KCTD15: variants seen among roughly 807,000 people sequenced by gnomAD.
KCTD15 encodes potassium channel tetramerization domain containing 15.
KCTD15 carries 11 observed loss-of-function variants against 27.2 expected under a neutral mutation model. The ratio of observed to expected loss-of-function variants is 0.41; its 90% CI spans 0.25 to 0.67. KCTD15 has a LOEUF of 0.67. Ranked by LOEUF, KCTD15 falls within the 30% of genes least tolerant of loss-of-function variation. The pLI, the probability that KCTD15 is intolerant of heterozygous loss-of-function variation, is 0.35. For missense variants in KCTD15, 350 were observed against 409.3 expected, an observed-to-expected ratio of 0.86 and a Z score of 1.25; for synonymous variants, 163 against 176.0, an observed-to-expected ratio of 0.93 and a Z score of 0.58.
In KCTD15 at chr19:33,807,005, A is replaced by G; in HGVS notation, c.385A>G (p.Lys129Glu). 1.2e-6 allele frequency: 2 copies of G among 1,613,910 alleles called. No individual in the cohort carries two copies. Among genetic ancestry groups the G allele is most frequent in the Non-Finnish European group, 8.5e-7 (1 of 1,179,924 alleles). The part of the protein sequence containing the change: ...TSKLLLPDDF[K>E]DFSLLYEEAR... ...CAAGCTGCTGCTTCCGGATGACTTT[A>G]AGGTAAGTCCATGGCTGGTGGCCCC... Residue 129 changes from lysine to glutamate, a missense_variant and splice_region_variant, in exon 5 of 7, where the codon AAG becomes GAG. By Grantham distance (56) the Lys-to-Glu change is moderately conservative. This residue lies in a region of KCTD15 where 219 missense variants were observed against 234.9 expected (regional missense o/e 0.93). Coordinates refer to ENST00000683859, the MANE Select transcript of KCTD15 (RefSeq NM_001129994.2).
intron 2 of KCTD15, among the ~76,000 whole-genome samples, chr19:33,799,309 C>T (rs1975452679): frequency 2.0e-5 from 3 of 152,014 alleles, no homozygotes; most frequent in African/African-American, 7.3e-5. Context: ...AATTTTGATC[C>T]CAGAGTTTTA....
rs1355281941 is a variant in KCTD15, at chr19:33,801,339, C to T, written c.239C>T (p.Ser80Phe). ...SLATLTKYPD[S>F]RISRLFNGTE... ...GCCACGCTCACCAAGTACCCTGACT[C>T]CAGGTAAGAGTAAGCCCCTTGAAAC... The change falls in exon 4 of 7, where the codon TCC becomes TTC. Residue 80 changes from serine to phenylalanine, a missense_variant. Ser to Phe is a radical substitution (Grantham distance 155). Transcript: ENST00000683859. The T allele has an allele frequency of 1.2e-6, 2 of 1,608,848 alleles. No individual in the cohort carries two copies. The highest frequency in any genetic ancestry group is 1.7e-6 in the Non-Finnish European group (2 of 1,177,400).
At chr19:33,801,660 C>T in intron 4 of KCTD15, 2 of 256,960 alleles carry the variant, frequency 7.8e-6, no homozygotes, top group Non-Finnish European at 1.5e-5. Flanking sequence ...AGGGGAGTCT[C>T]ACGTACCTTC....
chr19:33,795,605 C>T (rs987904733), upstream of KCTD15, among the ~76,000 whole-genome samples: 17 of 152,112 alleles, frequency 1.1e-4, no homozygotes, highest in African/African-American at 4.1e-4. Context: ...CGGCCAGTCG[C>T]GCGCTCCGTT....
At chr19:33,795,735 GCCGAAGCGGAGACTGGGGAGGGGCGT>G (rs1975299913), upstream of KCTD15, among the ~76,000 whole-genome samples, 1 of 152,130 alleles carries the variant, frequency 6.6e-6, no homozygotes, top group Non-Finnish European at 1.5e-5. Context: ...GGAAGGGGCG[GCCGAAGCGGAGACTGGGGAGGGGCGT>G]CCGGGGCGCG....
rs181404546 is a variant in KCTD15 at position 33,799,397 on chromosome 19, C to A, written c.-28+631C>A. 5.1e-4 allele frequency among the ~76,000 whole-genome samples: 77 copies of A among 152,284 alleles called. 2 individuals are homozygous for A. The East Asian group carries it at 0.011, about 21-fold the overall frequency. On this transcript the variant is annotated intron_variant, in intron 2 of 6. Transcript: ENST00000683859. ...AAAGGTTAAACCTTCGAGAGACGTCCAGGGTAGGTTTGTGGAAGCCAGTGT... is the reference window on the plus strand; with the variant it reads ...AAAGGTTAAACCTTCGAGAGACGTCAAGGGTAGGTTTGTGGAAGCCAGTGT...
At chr19:33,809,633 A>C (rs564208185) in intron 5 of KCTD15, among the ~76,000 whole-genome samples, 1 of 152,282 alleles carries the variant, frequency 6.6e-6, no homozygotes, top group East Asian at 1.9e-4. Context: ...GTGCTTTGGG[A>C]GGCCAAGCAG....
chr19:33,810,881 G>A (rs368801482), intron 5 of KCTD15, among the ~76,000 whole-genome samples: 1 of 151,848 alleles, frequency 6.6e-6, no homozygotes, highest in Non-Finnish European at 1.5e-5. Context: ...CTCTTCTCTC[G>A]GTGGGATTCT....
chr19:33,814,280 G>A lies in KCTD15; in HGVS notation c.*1332G>A, dbSNP rs1243844573. The A allele has an allele frequency of 6.6e-6, 1 of 152,594 alleles. No individual in the cohort carries two copies. Among genetic ancestry groups the A allele is most frequent in the African/African-American group, 2.4e-5 (1 of 41,440 alleles). 9.5% of individuals were successfully genotyped at this position (152,594 alleles called of 1,614,324 possible). ...CTGTCCTGTGCAGAAGCAGCAGCCA[G>A]ACTCCCGCATTCGATGTTGTGCAGG... On this transcript the variant is annotated 3_prime_UTR_variant, in exon 7 of 7. Coordinates refer to ENST00000683859, the MANE Select transcript of KCTD15 (RefSeq NM_001129994.2).
rs1308026262 is a variant in KCTD15, at chr19:33,801,341, A to G, written c.241A>G (p.Arg81Gly). Residue 81 changes from arginine to glycine, a missense_variant and splice_region_variant, in exon 4 of 7, where the codon AGG (arginine) becomes GGG (glycine). Transcript: ENST00000683859. ...CACGCTCACCAAGTACCCTGACTCCAGGTAAGAGTAAGCCCCTTGAAACAT... is the reference window on the plus strand; with the variant it reads ...CACGCTCACCAAGTACCCTGACTCCGGGTAAGAGTAAGCCCCTTGAAACAT... ...LATLTKYPDS[R>G]ISRLFNGTEP... 12 of 1,607,556 alleles carry G rather than the reference A, an allele frequency of 7.5e-6. No individual in the cohort carries two copies. Among genetic ancestry groups the G allele is most frequent in the East Asian group, 2.2e-5 (1 of 44,602 alleles).
At position 33,807,121 on chromosome 19, in the gene KCTD15, C is replaced by T. The variant is rs1317183386; in HGVS notation, c.387+114C>T. ...GTCATGGTAACCATAAAAAGTTAAACGATGAAGCCGAGGGCTAAATCAGTT... is the reference window on the plus strand; with the variant it reads ...GTCATGGTAACCATAAAAAGTTAAATGATGAAGCCGAGGGCTAAATCAGTT... On this transcript the variant is annotated intron_variant, in intron 5 of 6. Transcript: ENST00000683859. 22 of 1,275,830 alleles carry T rather than the reference C, an allele frequency of 1.7e-5. No homozygotes were observed. In the South Asian group the frequency reaches 2.2e-4, roughly 13 times the overall value. 79.0% of individuals were successfully genotyped at this position (1,275,830 alleles called of 1,614,324 possible).
chr19:33,810,848 G>A (rs778024534), intron 5 of KCTD15, among the ~76,000 whole-genome samples: 11 of 151,984 alleles, frequency 7.2e-5, no homozygotes, highest in South Asian at 2.1e-4. Context: ...TCCTAGGCCC[G>A]GCTGCCCTGT....
rs1334864901 is a variant in KCTD15, at chr19:33,801,354, C to A, written c.242+12C>A. 1 of 1,597,036 alleles carries A rather than the reference C, an allele frequency of 6.3e-7. No homozygotes were observed. The highest frequency in any genetic ancestry group is 8.5e-7 in the Non-Finnish European group (1 of 1,170,226). On this transcript the variant is annotated intron_variant, in intron 4 of 6. Coordinates refer to ENST00000683859, the MANE Select transcript of KCTD15 (RefSeq NM_001129994.2). The stretch of plus-strand genomic sequence containing the variant: ...TACCCTGACTCCAGGTAAGAGTAAG[C>A]CCCTTGAAACATCAGGCATGTGTGG...
chr19:33,811,431 A>G lies in KCTD15; in HGVS notation c.572A>G (p.Glu191Gly). The change falls in exon 6 of 7, where the codon GAG (glutamate) becomes GGG (glycine). Residue 191 changes from glutamate to glycine, a missense_variant. Physicochemically the swap from Glu to Gly is moderately conservative, Grantham distance 98. Coordinates refer to ENST00000683859, the MANE Select transcript of KCTD15 (RefSeq NM_001129994.2). ...CTCAGCGGCGAGAAGGCCCTCATCG[A>G]GGAGGTCTTCCCCGAGACCGGAGAC... ...IALSGEKALI[E>G]EVFPETGDVM... 1 of 1,612,456 alleles carries G rather than the reference A, an allele frequency of 6.2e-7. No homozygotes were observed. Among genetic ancestry groups the G allele is most frequent in the Non-Finnish European group, 8.5e-7 (1 of 1,179,662 alleles).
chr19:33,807,461 C>T (rs1014213814), intron 5 of KCTD15, among the ~76,000 whole-genome samples: 1 of 151,828 alleles, frequency 6.6e-6, no homozygotes. Flanking sequence ...CGGTGGCTCA[C>T]GCCTGTAATC....
At chr19:33,812,239 G>T in intron 6 of KCTD15, 1 of 1,046,730 alleles carries the variant, frequency 9.6e-7, no homozygotes, top group Non-Finnish European at 1.1e-6. Flanking sequence ...AACCCACATA[G>T]TTGTGGACGC....
intron 5 of KCTD15, among the ~76,000 whole-genome samples, chr19:33,810,809 CTTT>C (rs60821835): frequency 6.6e-6 from 1 of 151,608 alleles, no homozygotes; most frequent in Non-Finnish European, 1.5e-5. Flanking sequence ...TGGAGAAGAA[CTTT>C]TTTTGCTTCC....
chr19:33,801,705 C>T (rs895911912), intron 4 of KCTD15: 1 of 195,978 alleles, frequency 5.1e-6, no homozygotes, highest in Middle Eastern at 1.9e-3. Flanking sequence ...GGCCCGGCCC[C>T]TGCAGGGGGT....
intron 4 of KCTD15, among the ~76,000 whole-genome samples, chr19:33,803,407 A>G (rs1323859102): frequency 6.6e-6 from 1 of 152,216 alleles, no homozygotes; most frequent in Non-Finnish European, 1.5e-5. Flanking sequence ...TCTAGGAGAC[A>G]CCTGGAGATG....
Sources: allele counts gnomAD v4.1 joint callset (sites outside exome capture counted in the v4.1 genomes callset), GRCh38; gene constraint gnomAD v4.1.1; regional missense constraint gnomAD v4.1.1; transcripts MANE v1.5; gene names NCBI Gene and HGNC (gene_info 2026-07-23, HGNC 2026-07-21).